PDE4D: variants seen among roughly 807,000 people sequenced by gnomAD.
PDE4D encodes 3',5'-cyclic-AMP phosphodiesterase 4D.
Under a neutral mutation model 87.4 loss-of-function variants are expected in PDE4D, and 24 were observed. The ratio of observed to expected loss-of-function variants is 0.27; its 90% CI spans 0.20 to 0.39. The LOEUF is 0.39. Ranked by LOEUF, PDE4D falls within the 10% of genes least tolerant of loss-of-function variation. The probability of loss-of-function intolerance (pLI) is 1.00; values close to 1 mark genes in which losing one functional copy is unlikely to be tolerated. For synonymous variants in PDE4D, 384 were observed against 383.2 expected (o/e 1.00, Z -0.02); for missense variants, 714 against 1,041.0 (o/e 0.69, Z 4.32).
chr5:59,049,996 G>T (rs896844464), intron 5 of PDE4D, among the ~76,000 whole-genome samples: 3 of 152,194 alleles, frequency 2.0e-5, no homozygotes, highest in Non-Finnish European at 4.4e-5. Flanking sequence ...GGGCATGGTG[G>T]CTCATGTCTG....
Position 59,525,774 on chromosome 5 carries a change from G to A in PDE4D, c.456-309806C>T, listed in dbSNP as rs141404045. Among the ~76,000 whole-genome samples, 4 of 152,276 alleles carry A rather than the reference G, an allele frequency of 2.6e-5. No individual in the cohort carries two copies. In the East Asian group the frequency reaches 7.7e-4, roughly 29 times the overall value. On this transcript the variant is annotated intron_variant, in intron 1 of 14. Transcript: ENST00000340635. ...CCCCCTGCTGTTCTCATGATAGTGA[G>A]TGACTTCTCAGGAGATCTGATAGTT... is the stretch of plus-strand genomic sequence containing the variant.
intron 5 of PDE4D, among the ~76,000 whole-genome samples, chr5:59,055,344 T>A (rs1762177855): frequency 6.6e-6 from 1 of 152,174 alleles, no homozygotes; most frequent in South Asian, 2.1e-4. Context: ...ATATCTGTCC[T>A]TAATCAAGAA....
In PDE4D at chr5:59,276,078, G is replaced by T; in HGVS notation, c.456-60110C>A. ...AACTATTCCTCAAGGGCTGTATGAC[G>T]TCTGTAAGAAGGCAGTTCAAAACAC... is the stretch of plus-strand genomic sequence containing the variant. On this transcript the variant is annotated intron_variant, in intron 1 of 14. Coordinates refer to ENST00000340635, the MANE Select transcript of PDE4D (RefSeq NM_001104631.2). 6.3e-6 allele frequency: 6 copies of T among 959,854 alleles called. No individual in the cohort carries two copies. In the South Asian group the frequency reaches 2.4e-4, roughly 39 times the overall value. 59.5% of individuals were successfully genotyped at this position (959,854 alleles called of 1,614,324 possible). A position where few individuals can be genotyped will look rare whatever the true frequency, so the allele number is the denominator to read the frequency against.
At chr5:59,510,972 T>C (rs1202278818) in intron 1 of PDE4D, among the ~76,000 whole-genome samples, 1 of 151,976 alleles carries the variant, frequency 6.6e-6, no homozygotes, top group Non-Finnish European at 1.5e-5. Context: ...AGAATTTGAC[T>C]CATTTGTGAT....
chr5:60,200,400 C>T (rs1283488612), intron 1 of PDE4D, among the ~76,000 whole-genome samples: 1 of 151,482 alleles, frequency 6.6e-6, no homozygotes, highest in Non-Finnish European at 1.5e-5. Context: ...ATATATAGCT[C>T]AACTTTCAAT....
intron 1 of PDE4D, among the ~76,000 whole-genome samples, chr5:59,392,692 C>T (rs1788489559): frequency 6.6e-6 from 1 of 152,108 alleles, no homozygotes; most frequent in Non-Finnish European, 1.5e-5. Context: ...AGTCACTGCG[C>T]ATGCAGGTGA....
intron 1 of PDE4D, among the ~76,000 whole-genome samples, chr5:59,473,408 C>G (rs1802785342): frequency 6.6e-6 from 1 of 152,024 alleles, no homozygotes; most frequent in South Asian, 2.1e-4. Flanking sequence ...ATAATTATAT[C>G]TAAAGCCTGT....
intron 1 of PDE4D, among the ~76,000 whole-genome samples, chr5:59,566,583 T>A (rs28429524): frequency 0.77 from 112,485 of 146,890 alleles, 42,743 homozygotes; most frequent in South Asian, 0.86. Flanking sequence ...TGTGTGTGTG[T>A]GAGAGAATGA....
At chr5:59,541,928 C>A (rs1469957917) in intron 1 of PDE4D, among the ~76,000 whole-genome samples, 2 of 152,116 alleles carry the variant, frequency 1.3e-5, no homozygotes, top group Non-Finnish European at 2.9e-5. Context: ...TCTTCTCAGG[C>A]TGCCCATTCC....
At chr5:59,039,406 T>A (rs1188482776) in intron 5 of PDE4D, 3 of 1,002,072 alleles carry the variant, frequency 3.0e-6, no homozygotes, top group South Asian at 8.1e-5. Flanking sequence ...CCGGATCTCC[T>A]CGGTCCCCAA....
chr5:59,388,855 C>T lies in PDE4D; in HGVS notation c.456-172887G>A, dbSNP rs7737071. ...TTAAGATTTAGCTTAGGAACTCAAA[C>T]GATGTAGCAAATATATTTCATCATG... On this transcript the variant is annotated intron_variant, in intron 1 of 14. Coordinates refer to ENST00000340635, the MANE Select transcript of PDE4D (RefSeq NM_001104631.2). 7.6e-3 allele frequency among the ~76,000 whole-genome samples: 1,156 copies of T among 152,048 alleles called. 16 individuals are homozygous for T. The highest frequency in any genetic ancestry group is 0.025 in the African/African-American group (1,030 of 41,496).
chr5:60,045,867 AG>A (rs1263811243), intron 2 of PDE4D, among the ~76,000 whole-genome samples: 2 of 152,064 alleles, frequency 1.3e-5, no homozygotes, highest in African/African-American at 2.4e-5. Flanking sequence ...GTTCCATATG[AG>A]CTTTAAAGTA....
chr5:58,974,545 G>A lies in PDE4D; in HGVS notation c.*119C>T. 2 of 976,700 alleles carry A rather than the reference G, an allele frequency of 2.0e-6. No homozygotes were observed. The highest frequency in any genetic ancestry group is 3.0e-6 in the Non-Finnish European group (2 of 663,190). 60.5% of individuals were successfully genotyped at this position (976,700 alleles called of 1,614,324 possible). On this transcript the variant is annotated 3_prime_UTR_variant, in exon 15 of 15. Transcript: ENST00000340635. Reference sequence around the variant, plus strand: ...GGACTGAGTAGTCAAGGTCAGTTTTGTTCAACAAACGTCCTGGCAGATGAC... The same window carrying A: ...GGACTGAGTAGTCAAGGTCAGTTTTATTCAACAAACGTCCTGGCAGATGAC...
intron 1 of PDE4D, among the ~76,000 whole-genome samples, chr5:60,330,690 G>A (rs991760104): frequency 6.6e-6 from 1 of 152,216 alleles, no homozygotes; most frequent in Non-Finnish European, 1.5e-5. Flanking sequence ...CAGAGTTTGT[G>A]CCATTTTTAA....
intron 1 of PDE4D, among the ~76,000 whole-genome samples, chr5:59,365,087 A>G (rs1301276878): frequency 6.6e-6 from 1 of 152,228 alleles, no homozygotes; most frequent in Non-Finnish European, 1.5e-5. Context: ...TATCAGGGCA[A>G]TAAGAAGAGA....
intron 2 of PDE4D, among the ~76,000 whole-genome samples, chr5:60,051,702 G>A (rs1178972992): frequency 6.6e-6 from 1 of 151,632 alleles, no homozygotes; most frequent in Non-Finnish European, 1.5e-5. Flanking sequence ...CAGAATTGAA[G>A]GAGATACAGA....
At chr5:59,175,471 CTTTTTTTTTTTTTTT>C (rs563138575) in intron 5 of PDE4D, among the ~76,000 whole-genome samples, 3 of 91,206 alleles carry the variant, frequency 3.3e-5, no homozygotes, top group East Asian at 8.3e-4. Context: ...ATTTTTCTTT[CTTTTTTTTTTTTTTT>C]TTTTTTTTTT....
At chr5:60,098,145 A>C (rs2149325335) in intron 2 of PDE4D, among the ~76,000 whole-genome samples, 1 of 152,054 alleles carries the variant, frequency 6.6e-6, no homozygotes, top group South Asian at 2.1e-4. Context: ...GAAAACTCTT[A>C]GAAAAACTGT....
chr5:59,494,731 A>C (rs1407686319), intron 1 of PDE4D, among the ~76,000 whole-genome samples: 1 of 152,202 alleles, frequency 6.6e-6, no homozygotes, highest in African/African-American at 2.4e-5. Context: ...AATGTCTAGC[A>C]ATAGACCTGA....
Sources: allele counts gnomAD v4.1 joint callset (sites outside exome capture counted in the v4.1 genomes callset), GRCh38; gene constraint gnomAD v4.1.1; transcripts MANE v1.5; gene names NCBI Gene and HGNC (gene_info 2026-07-23, HGNC 2026-07-21).